PCDHGA6: variants seen among roughly 807,000 people sequenced by gnomAD.
PCDHGA6 encodes protocadherin gamma subfamily A, 6, also known as protocadherin gamma-A6.
Under a neutral mutation model 60.6 loss-of-function variants are expected in PCDHGA6, and 41 were observed. The ratio of observed to expected loss-of-function variants is 0.68; its 90% CI spans 0.53 to 0.88. PCDHGA6 has a LOEUF of 0.88. PCDHGA6 is among the 40% of genes least tolerant of loss of function. PCDHGA6 has a pLI of 0.00. For missense variants in PCDHGA6, 1,312 were observed against 1,203.0 expected (o/e 1.09, Z -1.34); for synonymous variants, 594 against 524.4 (o/e 1.13, Z -1.81).
At position 141,374,527 on chromosome 5, in the gene PCDHGA6, A is replaced by T. The variant is rs1429830664; in HGVS notation, c.444A>T (p.Pro148=). 4.3e-6 allele frequency: 7 copies of T among 1,613,074 alleles called. No individual in the cohort carries two copies. Among genetic ancestry groups the T allele is most frequent in the Non-Finnish European group, 5.9e-6 (7 of 1,179,138 alleles). Residue 148 remains proline, a synonymous_variant, in exon 1 of 4, where the codon CCA becomes CCT. Coordinates refer to ENST00000517434, the MANE Select transcript of PCDHGA6 (RefSeq NM_018919.3). The stretch of plus-strand genomic sequence containing the variant: ...TGAAAATTCTCGAAAACGCAGCTCC[A>T]TCCTCTCGTTTTCCACTAATGGAGG... ...LEVKILENAA[P]SSRFPLMEVY... is the part of the protein sequence containing the mutation.
chr5:141,389,785 A>ACGCCGTCCGCCAGCGCCTTCTGGT (rs780757695), intron 1 of PCDHGA6: 1 of 1,613,332 alleles, frequency 6.2e-7, no homozygotes, highest in South Asian at 1.1e-5. Flanking sequence ...GGCGACAGGG[A>ACGCCGTCCGCCAGCGCCTTCTGGT]CGCCGTCCGC....
chr5:141,425,794 G>A (rs915736198), intron 1 of PCDHGA6, among the ~76,000 whole-genome samples: 23 of 152,074 alleles, frequency 1.5e-4, no homozygotes, highest in Non-Finnish European at 2.2e-4. Context: ...CTTCCAATAT[G>A]TGCATTGCTT....
chr5:141,428,856 G>A (rs1195849417), intron 1 of PCDHGA6: 4 of 143,808 alleles, frequency 2.8e-5, no homozygotes, highest in Admixed American at 1.4e-4. Flanking sequence ...ATTTTTACGG[G>A]AGACTTTTTT....
intron 1 of PCDHGA6, among the ~76,000 whole-genome samples, chr5:141,436,199 A>G (rs576607542): frequency 7.2e-5 from 11 of 152,282 alleles, no homozygotes; most frequent in East Asian, 5.8e-4. Context: ...AAAGAAAGAC[A>G]TAATAGGAAA....
intron 1 of PCDHGA6, chr5:141,408,159 C>T (rs1408291996): frequency 3.9e-5 from 59 of 1,516,228 alleles, no homozygotes; most frequent in Non-Finnish European, 5.2e-5. Context: ...AGTGCACTTT[C>T]TCCAACTGGA....
At chr5:141,428,120 C>A in intron 1 of PCDHGA6, 1 of 1,606,526 alleles carries the variant, frequency 6.2e-7, no homozygotes, top group Non-Finnish European at 8.5e-7. Flanking sequence ...CCATCGAGCC[C>A]GGGCTTTTCA....
intron 1 of PCDHGA6, chr5:141,411,909 A>T (rs1176626028): frequency 6.6e-6 from 1 of 152,204 alleles, no homozygotes; most frequent in Non-Finnish European, 1.5e-5. Flanking sequence ...TTGCCTTTGC[A>T]CTCAGTCTCT....
intron 1 of PCDHGA6, among the ~76,000 whole-genome samples, chr5:141,450,816 T>C (rs960010807): frequency 7.9e-6 from 1 of 126,568 alleles, no homozygotes; most frequent in Non-Finnish European, 1.6e-5. Context: ...ATTTATTTAA[T>C]ATTATTATTA....
intron 2 of PCDHGA6, among the ~76,000 whole-genome samples, chr5:141,503,886 T>G (rs150106838): frequency 8.2e-4 from 125 of 152,290 alleles, no homozygotes; most frequent in African/African-American, 2.9e-3. Flanking sequence ...TCACCCACCA[T>G]GACAAAATAT....
intron 1 of PCDHGA6, chr5:141,383,629 C>G: frequency 6.2e-7 from 1 of 1,613,960 alleles, no homozygotes; most frequent in Non-Finnish European, 8.5e-7. Context: ...TGTCTTCTCT[C>G]TGCCTCAGTA....
chr5:141,375,331 C>A lies in PCDHGA6; in HGVS notation c.1248C>A (p.Phe416Leu), dbSNP rs755265511. The A allele has an allele frequency of 6.2e-7, 1 of 1,613,806 alleles. No homozygotes were observed. The highest frequency in any genetic ancestry group is 2.2e-5 in the East Asian group (1 of 44,880). ...TNAALDREEV[F>L]LYNITVTATD... ...CAGCTCTAGACCGGGAAGAGGTATT[C>A]TTGTACAACATCACTGTGACAGCCA... The change falls in exon 1 of 4, where the codon TTC (phenylalanine) becomes TTA (leucine). Residue 416 changes from phenylalanine (F) to leucine (L), a missense_variant. Transcript: ENST00000517434.
At chr5:141,400,227 C>T in intron 1 of PCDHGA6, 1 of 1,614,052 alleles carries the variant, frequency 6.2e-7, no homozygotes, top group Middle Eastern at 1.6e-4. Flanking sequence ...TGCTCTTCCT[C>T]CTGGCCGTGA....
Position 141,374,703 on chromosome 5 carries a change from T to C in PCDHGA6, c.620T>C (p.Val207Ala). ...ACACTGGACCGGGAAGGAGAAGCCG[T>C]TTACCGCCTGGTCCTTACTGCCATG... The part of the protein sequence containing the change: ...EGTLDREGEA[V>A]YRLVLTAMDG... Residue 207 changes from valine (V) to alanine (A), a missense_variant, in exon 1 of 4, where the codon GTT becomes GCT. Val to Ala is a moderately conservative substitution (Grantham distance 64, BLOSUM62 0). Coordinates refer to ENST00000517434, the MANE Select transcript of PCDHGA6 (RefSeq NM_018919.3). The C allele has an allele frequency of 6.2e-7, 1 of 1,609,272 alleles. No individual in the cohort carries two copies. Among genetic ancestry groups the C allele is most frequent in the Non-Finnish European group, 8.5e-7 (1 of 1,177,636 alleles).
intron 1 of PCDHGA6, chr5:141,404,577 T>C (rs2094542300): frequency 6.2e-7 from 1 of 1,613,954 alleles, no homozygotes; most frequent in South Asian, 1.1e-5. Context: ...AGCCCACCAC[T>C]TAGCAGCAAT....
At chr5:141,397,267 A>G (rs1411112086) in intron 1 of PCDHGA6, among the ~76,000 whole-genome samples, 1 of 152,230 alleles carries the variant, frequency 6.6e-6, no homozygotes, top group East Asian at 1.9e-4. Flanking sequence ...TCTTAGCTAC[A>G]TCATATGGGC....
chr5:141,477,433 C>T lies in PCDHGA6; in HGVS notation c.2425-17374C>T, dbSNP rs1389102640. On this transcript the variant is annotated intron_variant, in intron 1 of 3. Transcript: ENST00000517434. The surrounding 1 kb of genome is among the most constrained non-coding windows in gnomAD (Gnocchi z 4.9). ...ACGCCGGAACCCCTTCCCTCTCAGCCCTTACAATAGTGCGTGTTCAAGTGT... is the reference window on the plus strand; with the variant it reads ...ACGCCGGAACCCCTTCCCTCTCAGCTCTTACAATAGTGCGTGTTCAAGTGT... 6.2e-7 allele frequency: 1 copy of T among 1,614,048 alleles called. No individual in the cohort carries two copies. The highest frequency in any genetic ancestry group is 2.2e-5 in the East Asian group (1 of 44,892).
intron 1 of PCDHGA6, chr5:141,397,952 C>A: frequency 1.0e-6 from 1 of 959,530 alleles, no homozygotes; most frequent in Non-Finnish European, 1.5e-6. Context: ...CCAGGGCAGC[C>A]CCAGCTCAGA....
At chr5:141,482,234 A>G (rs11748256) in intron 1 of PCDHGA6, among the ~76,000 whole-genome samples, 44,758 of 152,044 alleles carry the variant, frequency 0.29, 7,110 homozygotes, top group African/African-American at 0.42. Context: ...GAAATTGCCA[A>G]TATAAGTATA....
Position 141,418,052 on chromosome 5 carries a change from G to A in PCDHGA6, c.2424+41545G>A, listed in dbSNP as rs202112422. 1.2e-3 allele frequency: 1,918 copies of A among 1,613,866 alleles called. 6 individuals are homozygous for A. Among genetic ancestry groups the A allele is most frequent in the East Asian group, 2.1e-3 (96 of 44,758 alleles). On this transcript the variant is annotated intron_variant, in intron 1 of 3. Coordinates refer to ENST00000517434, the MANE Select transcript of PCDHGA6 (RefSeq NM_018919.3). ...TAGTGTCCTGGATGTGTCGGCTCGC[G>A]AGCTGCGAGTGAGCGCGGAGAAGCT...
Sources: gnomAD v4.1 joint callset for allele counts (sites outside exome capture counted in the v4.1 genomes callset) on GRCh38, gnomAD v4.1.1 for gene constraint, Gnocchi (gnomAD v3.1) non-coding constraint, MANE v1.5 for transcripts, NCBI Gene and HGNC (gene_info 2026-07-23, HGNC 2026-07-21) for gene names.